The following EPRS1 variants were observed in gnomAD, a reference collection of about 807,000 sequenced individuals.
The protein encoded by EPRS1 is bifunctional glutamate/proline--tRNA ligase.
In EPRS1, 107 loss-of-function variants were observed where a neutral mutation model predicts 188.3. The ratio of observed to expected loss-of-function variants is 0.57; its 90% CI spans 0.49 to 0.67. The LOEUF (loss-of-function observed/expected upper bound fraction) is 0.67. Among genes scored for constraint, EPRS1 ranks in the 30% least tolerant of loss-of-function variants. EPRS1 has a pLI of 0.00. For missense variants in EPRS1, 1,577 were observed against 1,802.2 expected (o/e 0.88, Z 2.26); for synonymous variants, 596 against 593.1 (o/e 1.00, Z -0.07).
chr1:220,001,183 T>C lies in EPRS1; in HGVS notation c.2136A>G (p.Thr712=). The part of the protein sequence containing the change: ...IPDGHTKEMP[T]SGSKEKTKVE... ...CTTTGGTCTTTTCCTTTGACCCTGA[T>C]GTTGGCATTTCCTTTGTGTGCCCAT... is the stretch of plus-strand genomic sequence containing the variant. Residue 712 remains threonine, a synonymous_variant, in exon 17 of 32, where the codon ACA becomes ACG. Transcript: ENST00000366923. 1 of 1,614,038 alleles carries C rather than the reference T, an allele frequency of 6.2e-7. No homozygotes were observed. Among genetic ancestry groups the C allele is most frequent in the African/African-American group, 1.3e-5 (1 of 75,056 alleles).
intron 1 of EPRS1, among the ~76,000 whole-genome samples, chr1:220,042,666 A>C (rs941017402): frequency 1.3e-5 from 2 of 152,118 alleles, no homozygotes; most frequent in Non-Finnish European, 2.9e-5. Flanking sequence ...TCATGCCTGT[A>C]ATCCCAGCAC....
At chr1:220,020,824 T>TTATATATATATATATATA (rs71169429) in intron 9 of EPRS1, among the ~76,000 whole-genome samples, 5 of 109,274 alleles carry the variant, frequency 4.6e-5, no homozygotes, top group Non-Finnish European at 9.2e-5. Flanking sequence ...CAATTTGAAT[T>TTATATATATATATATATA]TATATATATA....
intron 2 of EPRS1, among the ~76,000 whole-genome samples, chr1:220,036,690 T>C (rs1482287829): frequency 6.6e-6 from 1 of 151,838 alleles, no homozygotes; most frequent in Admixed American, 6.6e-5. Flanking sequence ...AGGGTGGATG[T>C]TGGGAGGAGG....
In EPRS1 at chr1:219,983,121, A is replaced by G; in HGVS notation, c.3300+68T>C. The G allele has an allele frequency of 3.7e-6, 5 of 1,344,060 alleles. No individual in the cohort carries two copies. The South Asian group carries it at 6.5e-5, about 18-fold the overall frequency. The allele number at this position is 1,344,060 out of a possible 1,614,324, so 83.3% of individuals were successfully genotyped here. ...TTATATTTTTCAAAATTGGTTGTTA[A>G]AAGTTGAAAATATATTTTCCAGTTT... On this transcript the variant is annotated intron_variant, in intron 22 of 31. Coordinates refer to ENST00000366923, the MANE Select transcript of EPRS1 (RefSeq NM_004446.3).
At chr1:220,041,909 T>A (rs1662301822) in intron 1 of EPRS1, among the ~76,000 whole-genome samples, 1 of 152,118 alleles carries the variant, frequency 6.6e-6, no homozygotes, top group East Asian at 1.9e-4. Context: ...GAAACAGGGC[T>A]GTGGCAAGGA....
intron 23 of EPRS1, 100 bp from the exon 24 acceptor site, chr1:219,981,557 G>T: frequency 1.8e-6 from 1 of 566,144 alleles, no homozygotes; most frequent in Non-Finnish European, 3.0e-6. Context: ...GAATTAAAAT[G>T]TAATAAATAA....
intron 18 of EPRS1, among the ~76,000 whole-genome samples, chr1:219,992,289 T>C (rs1241117279): frequency 6.6e-6 from 1 of 152,196 alleles, no homozygotes; most frequent in Non-Finnish European, 1.5e-5. Context: ...CAAGGTGCCG[T>C]GAATTAAAAT....
At chr1:220,022,667 T>G in intron 8 of EPRS1, 149 bp from the exon 9 acceptor site, 1 of 633,744 alleles carries the variant, frequency 1.6e-6, no homozygotes, top group Non-Finnish European at 2.7e-6. Flanking sequence ...CAGTATCCAG[T>G]ACCAAGAGCA....
In EPRS1 at chr1:220,035,308, G is replaced by A. The variant is rs141210774; in HGVS notation, c.132-295C>T. Among the ~76,000 whole-genome samples the A allele has an allele frequency of 2.5e-3, 375 of 152,076 alleles. 1 individual carries two copies. Among genetic ancestry groups the A allele is most frequent in the South Asian group, 8.9e-3 (43 of 4,812 alleles). On this transcript the variant is annotated intron_variant, in intron 2 of 31. Transcript: ENST00000366923. ...TGTGATTATAGGTGGCTGCCACCACGACAGGCTAATTTTTTGTATTTTTAG... is the reference window on the plus strand; with the variant it reads ...TGTGATTATAGGTGGCTGCCACCACAACAGGCTAATTTTTTGTATTTTTAG...
At chr1:219,996,903 T>C (rs1661245529) in intron 18 of EPRS1, 80 bp downstream of exon 18, 1 of 1,392,444 alleles carries the variant, frequency 7.2e-7, no homozygotes, top group Non-Finnish European at 9.7e-7. Context: ...AGTCGATGTT[T>C]TATAAGAAGA....
At chr1:219,982,263 T>C (rs1660913837) in intron 23 of EPRS1, among the ~76,000 whole-genome samples, 1 of 152,194 alleles carries the variant, frequency 6.6e-6, no homozygotes, top group African/African-American at 2.4e-5. Context: ...AAAAATCATT[T>C]AATCTTTCAG....
Position 219,988,812 on chromosome 1 carries a change from A to G in EPRS1, c.2553T>C (p.Asn851=). Residue 851 remains asparagine (N), a synonymous_variant, in exon 19 of 32, where the codon AAT becomes AAC. Coordinates refer to ENST00000366923, the MANE Select transcript of EPRS1 (RefSeq NM_004446.3). ...GGGACAGTAAGCATTCTACAGCTTC[A>G]TTTATTTTAGCCTAAAATAAAAGAG... ...KAEKSPKAKI[N]EAVECLLSLK... The G allele has an allele frequency of 6.3e-7, 1 of 1,587,180 alleles. No individual in the cohort carries two copies. The highest frequency in any genetic ancestry group is 8.6e-7 in the Non-Finnish European group (1 of 1,166,678).
intron 12 of EPRS1, among the ~76,000 whole-genome samples, chr1:220,016,444 C>A (rs945270898): frequency 6.6e-6 from 1 of 151,396 alleles, no homozygotes; most frequent in African/African-American, 2.4e-5. Flanking sequence ...AGAGTCTCAC[C>A]CTGTCACCCA....
chr1:219,976,066 G>A (rs1236955687), intron 28 of EPRS1, among the ~76,000 whole-genome samples: 3 of 152,126 alleles, frequency 2.0e-5, no homozygotes, highest in African/African-American at 7.2e-5. Context: ...GCAAGGAAGT[G>A]CTTAAAGAAT....
At chr1:219,994,843 AG>A (rs1281296385) in intron 18 of EPRS1, among the ~76,000 whole-genome samples, 1 of 151,856 alleles carries the variant, frequency 6.6e-6, no homozygotes, top group Non-Finnish European at 1.5e-5. Context: ...TAGTAGAGAC[AG>A]GGTTTCACTG....
At chr1:220,008,953 G>C (rs1256384099) in intron 13 of EPRS1, among the ~76,000 whole-genome samples, 3 of 152,134 alleles carry the variant, frequency 2.0e-5, no homozygotes. Flanking sequence ...TAGGATTACA[G>C]GCATAAGCCA....
In EPRS1 at chr1:220,044,737, G is replaced by C. The variant is rs78308478; in HGVS notation, c.46+1606C>G. Among the ~76,000 whole-genome samples the C allele has an allele frequency of 6.5e-3, 907 of 139,944 alleles. 12 individuals are homozygous for C. Among genetic ancestry groups the C allele is most frequent in the African/African-American group, 0.024 (858 of 36,492 alleles). 91.8% of individuals were successfully genotyped at this position (139,944 alleles called of 152,430 possible). On this transcript the variant is annotated intron_variant, in intron 1 of 31. Transcript: ENST00000366923. ...AACAGTATCAGGAGCTTTAACTATA[G>C]TCTCACTTAACTCTGGCAACCAATC...
Position 219,982,809 on chromosome 1 carries a change from C to A in EPRS1, c.3336G>T (p.Leu1112=). Residue 1112 remains leucine, a synonymous_variant, in exon 23 of 32, where the codon CTG becomes CTT. Transcript: ENST00000366923. The stretch of plus-strand genomic sequence containing the variant: ...TAGGACGAATGGCAATTGGTTCTGC[C>A]AGCTCGGTTTTGCCAGATCTTGTAA... The part of the protein sequence containing the change: ...AWVTRSGKTE[L]AEPIAIRPTS... The A allele has an allele frequency of 6.2e-7, 1 of 1,614,076 alleles. No homozygotes were observed. Among genetic ancestry groups the A allele is most frequent in the Non-Finnish European group, 8.5e-7 (1 of 1,179,956 alleles).
chr1:219,982,217 T>G (rs551860703), intron 23 of EPRS1, among the ~76,000 whole-genome samples: 6 of 152,272 alleles, frequency 3.9e-5, no homozygotes, highest in African/African-American at 1.4e-4. Flanking sequence ...CCTCAAATTT[T>G]CCAACAGCAT....
Sources: allele counts gnomAD v4.1 joint callset (sites outside exome capture counted in the v4.1 genomes callset), GRCh38; gene constraint gnomAD v4.1.1; transcripts MANE v1.5; gene names NCBI Gene and HGNC (gene_info 2026-07-23, HGNC 2026-07-21).